Variants in STK24 observed in about 807,000 individuals in gnomAD.
The protein encoded by STK24 is serine/threonine kinase 24.
STK24 carries 21 observed loss-of-function variants against 55.6 expected under a neutral mutation model. The observed-to-expected ratio is 0.38, with a 90% confidence interval of 0.27 to 0.54. The LOEUF (loss-of-function observed/expected upper bound fraction) is 0.54, where lower values mean the gene tolerates loss of function less well. STK24 is among the 20% of genes least tolerant of loss of function. The pLI, the probability that STK24 is intolerant of heterozygous loss-of-function variation, is 0.79. For missense variants in STK24, 383 were observed against 538.4 expected, an observed-to-expected ratio of 0.71 and a Z score of 2.86; for synonymous variants, 200 against 215.2, an observed-to-expected ratio of 0.93 and a Z score of 0.62.
rs1566347686 is a variant in STK24 at position 98,463,787 on chromosome 13, G to A, written c.833C>T (p.Ala278Val). ...CTCGGTCAAGTAGGAAGTTTTCTTT[G>A]CATTGCGTAGTATAAACTTGTGCTT... ...LLKHKFILRN[A>V]KKTSYLTELI... is the part of the protein sequence containing the mutation. Residue 278 changes from alanine (A) to valine (V), a missense_variant, in exon 7 of 11, where the codon GCA becomes GTA. Physicochemically the swap from Ala to Val is moderately conservative, Grantham distance 64. Transcript: ENST00000539966. 6.2e-7 allele frequency: 1 copy of A among 1,614,158 alleles called. No homozygotes were observed. The highest frequency in any genetic ancestry group is 8.5e-7 in the Non-Finnish European group (1 of 1,180,022).
intron 3 of STK24, among the ~76,000 whole-genome samples, chr13:98,476,240 G>GCCCCCCCCCCCCCCCCC (rs138129188): frequency 7.1e-6 from 1 of 141,590 alleles, no homozygotes; most frequent in Non-Finnish European, 1.5e-5. Context: ...CAGACGGGAA[G>GCCCCCCCCCCCCCCCCC]CCCCCCCCCG....
At chr13:98,473,178 T>C (rs1355158518) in intron 5 of STK24, among the ~76,000 whole-genome samples, 2 of 138,518 alleles carry the variant, frequency 1.4e-5, no homozygotes, top group Non-Finnish European at 3.1e-5. Flanking sequence ...TCCAGAAAAA[T>C]GTGCCTACAC....
intron 1 of STK24, among the ~76,000 whole-genome samples, chr13:98,520,750 T>C (rs541764192): frequency 2.6e-5 from 4 of 152,226 alleles, no homozygotes; most frequent in African/African-American, 9.6e-5. Context: ...AAGAGAACTG[T>C]TGAAAGCCAG....
rs529843973 is a variant in STK24, at chr13:98,528,096, C to G, written c.43-8623G>C. On this transcript the variant is annotated intron_variant, in intron 1 of 10. Coordinates refer to ENST00000539966, the MANE Select transcript of STK24 (RefSeq NM_001032296.4). ...GACCCCTGGGTTCCCACTGGGCCAC[C>G]GGACTCTCATTCATGAGGATATGCA... Among the ~76,000 whole-genome samples, 19 of 152,264 alleles carry G rather than the reference C, an allele frequency of 1.2e-4. 1 individual carries two copies. The highest frequency in any genetic ancestry group is 4.1e-4 in the African/African-American group (17 of 41,540).
intron 1 of STK24, among the ~76,000 whole-genome samples, chr13:98,571,130 G>T (rs767568657): frequency 6.6e-6 from 1 of 152,204 alleles, no homozygotes; most frequent in African/African-American, 2.4e-5. Flanking sequence ...ACCATCGGAC[G>T]CCTGGACTGC....
At chr13:98,496,432 G>A (rs1425074918) in intron 2 of STK24, among the ~76,000 whole-genome samples, 1 of 152,166 alleles carries the variant, frequency 6.6e-6, no homozygotes, top group Non-Finnish European at 1.5e-5. Context: ...ACTGAGCAAA[G>A]AAACAGAAGT....
intron 2 of STK24, among the ~76,000 whole-genome samples, chr13:98,489,430 G>T (rs1275672215): frequency 6.6e-6 from 1 of 152,198 alleles, no homozygotes; most frequent in Non-Finnish European, 1.5e-5. Flanking sequence ...CAGACGCTAG[G>T]ATTTCTTAAC....
At chr13:98,504,771 C>T (rs1321655627) in intron 2 of STK24, among the ~76,000 whole-genome samples, 1 of 152,194 alleles carries the variant, frequency 6.6e-6, no homozygotes, top group African/African-American at 2.4e-5. Context: ...CACCTGAGGT[C>T]GCTGATCCCT....
At chr13:98,500,289 G>A (rs957498403) in intron 2 of STK24, among the ~76,000 whole-genome samples, 22 of 152,144 alleles carry the variant, frequency 1.4e-4, no homozygotes, top group Non-Finnish European at 2.2e-4. Flanking sequence ...ACTGCACTTA[G>A]CATCTCTGGA....
intron 2 of STK24, among the ~76,000 whole-genome samples, chr13:98,502,968 A>AG (rs920372361): frequency 1.3e-5 from 2 of 150,596 alleles, no homozygotes; most frequent in African/African-American, 4.9e-5. Context: ...TCAGATTTTC[A>AG]GGTAATTAAG....
intron 1 of STK24, among the ~76,000 whole-genome samples, chr13:98,544,398 T>TGCA (rs1315809296): frequency 6.6e-6 from 1 of 152,208 alleles, no homozygotes; most frequent in African/African-American, 2.4e-5. Flanking sequence ...AGGCCAGCTT[T>TGCA]GCACTGTGGG....
chr13:98,552,337 C>G (rs914631332), intron 1 of STK24, among the ~76,000 whole-genome samples: 32 of 152,038 alleles, frequency 2.1e-4, no homozygotes, highest in African/African-American at 6.5e-4. Flanking sequence ...CCAAATTGAT[C>G]AGAAACATGG....
intron 5 of STK24, among the ~76,000 whole-genome samples, chr13:98,469,305 T>C (rs1894046100): frequency 6.6e-6 from 1 of 152,012 alleles, no homozygotes; most frequent in African/African-American, 2.4e-5. Context: ...TCCCACCACT[T>C]TGGGAGGCCG....
At chr13:98,506,968 T>A (rs1246181644) in intron 2 of STK24, among the ~76,000 whole-genome samples, 2 of 152,148 alleles carry the variant, frequency 1.3e-5, no homozygotes, top group Non-Finnish European at 2.9e-5. Flanking sequence ...GGAACCTCAC[T>A]GGACACATGC....
chr13:98,481,631 C>A (rs1264255849), intron 3 of STK24, among the ~76,000 whole-genome samples: 1 of 152,258 alleles, frequency 6.6e-6, no homozygotes, highest in East Asian at 1.9e-4. Flanking sequence ...GTAAATAGAA[C>A]CTGTTTCAGA....
intron 2 of STK24, among the ~76,000 whole-genome samples, chr13:98,509,591 A>G (rs554897022): frequency 5.9e-5 from 9 of 152,330 alleles, no homozygotes; most frequent in Non-Finnish European, 8.8e-5. Flanking sequence ...TTTGAATACA[A>G]GTTTAACTTT....
At chr13:98,462,027 CA>C in intron 7 of STK24, 130 bp from the exon 8 acceptor site, 1 of 1,120,480 alleles carries the variant, frequency 8.9e-7, no homozygotes, top group Non-Finnish European at 1.3e-6. Context: ...CCACCCATCA[CA>C]CCCTTGTCCA....
intron 2 of STK24, among the ~76,000 whole-genome samples, chr13:98,482,651 C>G (rs765980218): frequency 3.3e-5 from 5 of 152,242 alleles, no homozygotes; most frequent in Non-Finnish European, 7.3e-5. Context: ...CTGGGGGATC[C>G]TCAGGCACAG....
intron 1 of STK24, among the ~76,000 whole-genome samples, chr13:98,571,470 G>A (rs1297949493): frequency 6.6e-6 from 1 of 152,094 alleles, no homozygotes; most frequent in Non-Finnish European, 1.5e-5. Context: ...TATGTGACAT[G>A]CTATCAAGAA....
Sources: gnomAD v4.1 joint callset for allele counts (sites outside exome capture counted in the v4.1 genomes callset) on GRCh38, gnomAD v4.1.1 for gene constraint, MANE v1.5 for transcripts, NCBI Gene and HGNC (gene_info 2026-07-23, HGNC 2026-07-21) for gene names.